Variants in CHD9 observed in about 807,000 individuals in gnomAD.
CHD9 encodes chromodomain helicase DNA binding protein 9.
In CHD9, 77 loss-of-function variants were observed where a neutral mutation model predicts 316.1. The ratio of observed to expected loss-of-function variants is 0.24; its 90% CI spans 0.20 to 0.29. The LOEUF (loss-of-function observed/expected upper bound fraction) is 0.29. CHD9 is among the 10% of genes least tolerant of loss of function. The pLI is 1.00. For synonymous variants in CHD9, 1,129 were observed against 1,158.3 expected, an observed-to-expected ratio of 0.97 and a Z score of 0.51; for missense variants, 2,763 against 3,438.1, an observed-to-expected ratio of 0.80 and a Z score of 4.91.
At chr16:53,095,658 A>T (rs1333535136) in intron 1 of CHD9, among the ~76,000 whole-genome samples, 2 of 152,224 alleles carry the variant, frequency 1.3e-5, no homozygotes, top group African/African-American at 4.8e-5. Flanking sequence ...CCCATAGCGT[A>T]GCATTCAGCT....
At chr16:53,276,343 A>G (rs1271209879) in intron 24 of CHD9, among the ~76,000 whole-genome samples, 1 of 152,216 alleles carries the variant, frequency 6.6e-6, no homozygotes, top group East Asian at 1.9e-4. Context: ...TTGTGAGCAT[A>G]GATCTCATCT....
At chr16:53,122,686 AG>A (rs1418768370) in intron 1 of CHD9, among the ~76,000 whole-genome samples, 1 of 151,788 alleles carries the variant, frequency 6.6e-6, no homozygotes, top group Non-Finnish European at 1.5e-5. Flanking sequence ...CTTGGATTAC[AG>A]GTGTGCACCA....
chr16:53,139,251 G>A (rs557565055), intron 1 of CHD9, among the ~76,000 whole-genome samples: 9 of 151,882 alleles, frequency 5.9e-5, no homozygotes, highest in Non-Finnish European at 1.2e-4. Flanking sequence ...TGAGGGGAGA[G>A]AACATAAAAT....
intron 1 of CHD9, among the ~76,000 whole-genome samples, chr16:53,111,676 T>A (rs2037876893): frequency 6.6e-6 from 1 of 152,170 alleles, no homozygotes; most frequent in African/African-American, 2.4e-5. Flanking sequence ...ATTGGGGAAT[T>A]TTCTTTTTTG....
In CHD9 at chr16:53,307,816, G is replaced by A. The variant is rs542223723; in HGVS notation, c.6916G>A (p.Ala2306Thr). The A allele has an allele frequency of 6.2e-7, 1 of 1,613,714 alleles. No individual in the cohort carries two copies. The highest frequency in any genetic ancestry group is 1.1e-5 in the South Asian group (1 of 90,994). Residue 2306 changes from alanine (A) to threonine (T), a missense_variant, in exon 33 of 39, where the codon GCA becomes ACA. Ala to Thr is a moderately conservative substitution (Grantham distance 58). This residue lies in a region of CHD9 where 663 missense variants were observed against 751.2 expected (regional missense o/e 0.88). Transcript: ENST00000447540. ...CACAAAACTGCTGGACAGCCCTGGA[G>A]CAGCTACAGAATACAGCGATCCCAG... ...YTTKLLDSPGAATEYSDPSVP... is the reference protein window; with the variant it reads ...YTTKLLDSPGTATEYSDPSVP...
intron 2 of CHD9, among the ~76,000 whole-genome samples, chr16:53,172,273 A>G (rs2042816257): frequency 6.6e-6 from 1 of 152,170 alleles, no homozygotes; most frequent in South Asian, 2.1e-4. Flanking sequence ...TTATATATAA[A>G]TGGATTCAAT....
At chr16:53,097,354 C>CCCTTCCTT (rs58688221) in intron 1 of CHD9, among the ~76,000 whole-genome samples, 1,525 of 92,062 alleles carry the variant, frequency 0.017, 15 homozygotes, top group African/African-American at 0.06. Context: ...ACCTCGCTCT[C>CCCTTCCTT]CCTTCCTTCC....
intron 1 of CHD9, among the ~76,000 whole-genome samples, chr16:53,069,478 G>C (rs2033819609): frequency 6.6e-6 from 1 of 151,978 alleles, no homozygotes; most frequent in Non-Finnish European, 1.5e-5. Context: ...TTCTGTCTTT[G>C]TGAGTTTGAC....
rs117170656 is a variant in CHD9, at chr16:53,123,473, T to C, written c.-164-32453T>C. Among the ~76,000 whole-genome samples the C allele has an allele frequency of 6.6e-5, 10 of 152,176 alleles. No homozygotes were observed. The East Asian group carries it at 1.9e-3, about 29-fold the overall frequency. ...CAGTCAAGCCTTTTGTATCTGGCTT[T>C]CATACTTTTTATTTTTTAATTTTCA... On this transcript the variant is annotated intron_variant, in intron 1 of 38. Coordinates refer to ENST00000447540, the MANE Select transcript of CHD9 (RefSeq NM_001308319.2).
chr16:53,190,927 C>T (rs1234637352), intron 2 of CHD9, among the ~76,000 whole-genome samples: 4 of 152,002 alleles, frequency 2.6e-5, no homozygotes, highest in Non-Finnish European at 4.4e-5. Flanking sequence ...TTAGTAAGTA[C>T]ATTTTAAAAT....
At chr16:53,278,697 A>C (rs1311873334) in intron 24 of CHD9, among the ~76,000 whole-genome samples, 1 of 152,230 alleles carries the variant, frequency 6.6e-6, no homozygotes, top group East Asian at 1.9e-4. Flanking sequence ...AAGTGGGAGA[A>C]GGATATGAAC....
chr16:53,069,023 G>A (rs1319473863), intron 1 of CHD9, among the ~76,000 whole-genome samples: 1 of 147,784 alleles, frequency 6.8e-6, no homozygotes, highest in Non-Finnish European at 1.5e-5. Flanking sequence ...TTTTATTTTT[G>A]AGACAGGGTC....
chr16:53,301,300 G>C (rs2055391426), intron 30 of CHD9, among the ~76,000 whole-genome samples: 1 of 152,136 alleles, frequency 6.6e-6, no homozygotes. Flanking sequence ...ATGTGAGTGA[G>C]GTTGAGGTTC....
At chr16:53,272,243 TA>T (rs59376664) in intron 22 of CHD9, among the ~76,000 whole-genome samples, 2 of 146,730 alleles carry the variant, frequency 1.4e-5, no homozygotes, top group Admixed American at 6.8e-5. Context: ...TCAATTGGAA[TA>T]AAAAAAAAGG....
chr16:53,098,241 C>T (rs914916877), intron 1 of CHD9, among the ~76,000 whole-genome samples: 5 of 151,468 alleles, frequency 3.3e-5, no homozygotes, highest in African/African-American at 1.2e-4. Flanking sequence ...TTTGGGAGGC[C>T]GAGGCGGGTG....
At chr16:53,129,793 G>A (rs1042989453) in intron 1 of CHD9, among the ~76,000 whole-genome samples, 25 of 152,076 alleles carry the variant, frequency 1.6e-4, no homozygotes, top group Admixed American at 1.5e-3. Context: ...TTTTTAATTC[G>A]GTAGAAAGCC....
chr16:53,296,145 T>C (rs2054764786), intron 29 of CHD9, among the ~76,000 whole-genome samples: 2 of 152,230 alleles, frequency 1.3e-5, no homozygotes, highest in African/African-American at 4.8e-5. Flanking sequence ...CTTTCTTGAT[T>C]GTCAAGTCTG....
At chr16:53,213,167 G>A (rs1007483747) in intron 3 of CHD9, among the ~76,000 whole-genome samples, 11 of 152,188 alleles carry the variant, frequency 7.2e-5, no homozygotes, top group African/African-American at 2.2e-4. Context: ...ACATGACCAT[G>A]CCTCTGTTGA....
chr16:53,171,853 CACACACAG>C (rs1264046419), intron 2 of CHD9, among the ~76,000 whole-genome samples: 7 of 66,404 alleles, frequency 1.1e-4, no homozygotes, highest in Middle Eastern at 0.017. Flanking sequence ...CACACACACA[CACACACAG>C]ACACACACAC....
Sources: allele counts gnomAD v4.1 joint callset (sites outside exome capture counted in the v4.1 genomes callset), GRCh38; gene constraint gnomAD v4.1.1; regional missense constraint gnomAD v4.1.1; transcripts MANE v1.5; gene names NCBI Gene and HGNC (gene_info 2026-07-23, HGNC 2026-07-21).